IGF1R: variants seen among roughly 807,000 people sequenced by gnomAD.
IGF1R encodes the protein insulin-like growth factor 1 receptor.
A neutral mutation model predicts 144.6 loss-of-function variants in IGF1R; 44 were observed. That is an observed-to-expected ratio of 0.30 (90% CI 0.24 to 0.39). The LOEUF (loss-of-function observed/expected upper bound fraction) is 0.39. Among genes scored for constraint, IGF1R ranks in the 10% least tolerant of loss-of-function variants. The pLI is 1.00. For missense variants in IGF1R, 1,355 were observed against 1,833.7 expected, an observed-to-expected ratio of 0.74 and a Z score of 4.77; for synonymous variants, 795 against 722.8, an observed-to-expected ratio of 1.10 and a Z score of -1.60.
At chr15:98,684,551 ATACTTAG>A (rs1346869905) in intron 1 of IGF1R, among the ~76,000 whole-genome samples, 1 of 152,210 alleles carries the variant, frequency 6.6e-6, no homozygotes, top group Non-Finnish European at 1.5e-5. Flanking sequence ...GTAACACTTA[ATACTTAG>A]CACAGCCCTC....
At chr15:98,899,762 C>T (rs1201177242) in intron 5 of IGF1R, 141 bp downstream of exon 5, 34 of 821,846 alleles carry the variant, frequency 4.1e-5, no homozygotes, top group Non-Finnish European at 6.7e-5. Flanking sequence ...CTGTGCTGCT[C>T]GAGTAGGTCT....
In IGF1R at chr15:98,913,272, C is replaced by T. The variant is rs182353595; in HGVS notation, c.1818C>T (p.Thr606=). 6.2e-7 allele frequency: 1 copy of T among 1,612,892 alleles called. No homozygotes were observed. Among genetic ancestry groups the T allele is most frequent in the African/African-American group, 1.3e-5 (1 of 75,032 alleles). The change falls in exon 8 of 21, where the codon ACC becomes ACT. Residue 606 remains threonine, a synonymous_variant. Transcript: ENST00000650285. Reference sequence around the variant, plus strand: ...AGAGTGAGATCTTGTACATTCGCACCAATGCTTCAGGTATCCATGCCTAGA... The same window carrying T: ...AGAGTGAGATCTTGTACATTCGCACTAATGCTTCAGGTATCCATGCCTAGA... ...GAKSEILYIR[T]NASVPSIPLD... is the part of the protein sequence containing the mutation.
chr15:98,955,178 T>C (rs2016929587), intron 20 of IGF1R, among the ~76,000 whole-genome samples: 1 of 152,196 alleles, frequency 6.6e-6, no homozygotes, highest in Non-Finnish European at 1.5e-5. Flanking sequence ...TTCACACACA[T>C]AACTGCCTCG....
At chr15:98,852,447 GT>G (rs1424561506) in intron 2 of IGF1R, among the ~76,000 whole-genome samples, 1 of 152,254 alleles carries the variant, frequency 6.6e-6, no homozygotes, top group East Asian at 1.9e-4. Context: ...CAATCGCTGC[GT>G]TGGGAAATTC....
intron 1 of IGF1R, among the ~76,000 whole-genome samples, chr15:98,695,417 C>G (rs1307962216): frequency 6.6e-6 from 1 of 152,142 alleles, no homozygotes; most frequent in Non-Finnish European, 1.5e-5. Flanking sequence ...ATCATATGCA[C>G]CTGGCTGTAG....
Position 98,957,446 on chromosome 15 carries a change from T to A in IGF1R, c.*4T>A. 5 of 1,612,874 alleles carry A rather than the reference T, an allele frequency of 3.1e-6. No homozygotes were observed. Among genetic ancestry groups the A allele is most frequent in the Non-Finnish European group, 4.2e-6 (5 of 1,180,040 alleles). On this transcript the variant is annotated 3_prime_UTR_variant, in exon 21 of 21. Coordinates refer to ENST00000650285, the MANE Select transcript of IGF1R (RefSeq NM_000875.5). ...GCCCCAGTCTTCGACCTGCTGATCC[T>A]TGGATCCTGAATCTGTGCAAACAGT... is the stretch of plus-strand genomic sequence containing the variant.
chr15:98,761,311 A>T (rs577991959), intron 2 of IGF1R, among the ~76,000 whole-genome samples: 2 of 152,336 alleles, frequency 1.3e-5, no homozygotes, highest in East Asian at 3.9e-4. Context: ...GCTGAGTCCT[A>T]CATGAGTTGC....
chr15:98,744,006 T>C (rs1219511331), intron 2 of IGF1R, among the ~76,000 whole-genome samples: 8 of 152,018 alleles, frequency 5.3e-5, no homozygotes, highest in Admixed American at 6.6e-5. Context: ...GTGGGGACTG[T>C]GAGCATGAGT....
chr15:98,714,745 G>C (rs1596224488), intron 2 of IGF1R, among the ~76,000 whole-genome samples: 1 of 152,302 alleles, frequency 6.6e-6, no homozygotes, highest in South Asian at 2.1e-4. Flanking sequence ...CTGCTGGATG[G>C]GGGGAAGAGG....
chr15:98,684,960 TG>T (rs2053289085), intron 1 of IGF1R, among the ~76,000 whole-genome samples: 1 of 144,740 alleles, frequency 6.9e-6, no homozygotes, highest in Non-Finnish European at 1.5e-5. Context: ...TTTAAATTTT[TG>T]AGATAGTGTC....
At chr15:98,941,837 A>C (rs969386244) in intron 18 of IGF1R, among the ~76,000 whole-genome samples, 1 of 152,196 alleles carries the variant, frequency 6.6e-6, no homozygotes, top group African/African-American at 2.4e-5. Flanking sequence ...AGCATTTTAA[A>C]GTGGAGCAGC....
At position 98,913,325 on chromosome 15, in the gene IGF1R, C is replaced by T. The variant is rs767966430; in HGVS notation, c.1828+43C>T. 7.0e-6 allele frequency: 10 copies of T among 1,436,326 alleles called. No homozygotes were observed. The South Asian group carries it at 9.2e-5, about 13-fold the overall frequency. 89.0% of individuals were successfully genotyped at this position (1,436,326 alleles called of 1,614,324 possible). On this transcript the variant is annotated intron_variant, in intron 8 of 20. Transcript: ENST00000650285. ...AGCCCCCAGCATCCACACTTCTTCG[C>T]AAGCTCACTGGCCTTGCTTGTACCA...
intron 8 of IGF1R, among the ~76,000 whole-genome samples, chr15:98,915,109 G>C (rs942628416): frequency 2.6e-5 from 4 of 152,146 alleles, no homozygotes. Context: ...CCTGTGCTTT[G>C]AAAAACCATC....
chr15:98,786,239 G>A (rs1273306500), intron 2 of IGF1R, among the ~76,000 whole-genome samples: 1 of 152,174 alleles, frequency 6.6e-6, no homozygotes, highest in Non-Finnish European at 1.5e-5. Context: ...TTGAAGCCAG[G>A]ACACTTAGAA....
intron 1 of IGF1R, among the ~76,000 whole-genome samples, chr15:98,664,832 A>G (rs1220483102): frequency 6.6e-6 from 1 of 151,986 alleles, no homozygotes; most frequent in Non-Finnish European, 1.5e-5. Context: ...GATAGAGGAA[A>G]TACGCATTAG....
chr15:98,865,304 CCCCAAAGGATAT>C (rs1479512463), intron 2 of IGF1R, among the ~76,000 whole-genome samples: 2 of 152,198 alleles, frequency 1.3e-5, no homozygotes, highest in African/African-American at 4.8e-5. Flanking sequence ...TACTTACAGA[CCCCAAAGGATAT>C]CCCAAAGGAT....
chr15:98,802,807 A>T lies in IGF1R; in HGVS notation c.641-88518A>T, dbSNP rs371933927. Among the ~76,000 whole-genome samples the T allele has an allele frequency of 2.3e-3, 348 of 152,370 alleles. 1 individual carries two copies. The highest frequency in any genetic ancestry group is 8.0e-3 in the African/African-American group (334 of 41,588). ...GTCTTAAGTGAGTGAGACCCCTAAG[A>T]ATTCTTAATTCCTTTATCTTACTTT... On this transcript the variant is annotated intron_variant, in intron 2 of 20. Transcript: ENST00000650285.
intron 5 of IGF1R, among the ~76,000 whole-genome samples, chr15:98,900,057 G>C (rs2014403711): frequency 6.6e-6 from 1 of 152,198 alleles, no homozygotes; most frequent in Admixed American, 6.5e-5. Context: ...TTGGAAGTGA[G>C]AGCACGGGAG....
chr15:98,660,520 C>T (rs2052575529), intron 1 of IGF1R: 2 of 152,208 alleles, frequency 1.3e-5, no homozygotes, highest in Non-Finnish European at 2.9e-5. Context: ...CGGAAGACTT[C>T]TTAAAGGGAT....
Sources: gnomAD v4.1 joint callset for allele counts (sites outside exome capture counted in the v4.1 genomes callset) on GRCh38, gnomAD v4.1.1 for gene constraint, MANE v1.5 for transcripts, NCBI Gene and HGNC (gene_info 2026-07-23, HGNC 2026-07-21) for gene names.